Variants in PKMYT1 observed in about 807,000 individuals in gnomAD.
PKMYT1 encodes membrane-associated tyrosine- and threonine-specific cdc2-inhibitory kinase.
A neutral mutation model predicts 49.7 loss-of-function variants in PKMYT1; 35 were observed. The ratio of observed to expected loss-of-function variants is 0.70; its 90% confidence interval spans 0.54 to 0.93. The LOEUF is 0.93. Among genes scored for constraint, PKMYT1 ranks in the 40% least tolerant of loss-of-function variants. The pLI is 0.00. For synonymous variants in PKMYT1, 331 were observed against 287.6 expected, an observed-to-expected ratio of 1.15 and a Z score of -1.53; for missense variants, 677 against 673.1, an observed-to-expected ratio of 1.01 and a Z score of -0.06.
chr16:2,976,935 T>G lies in PKMYT1; in HGVS notation c.107A>C (p.Glu36Ala), dbSNP rs1481934915. Residue 36 changes from glutamate (E) to alanine (A), a missense_variant, in exon 3 of 9, where the codon GAA becomes GCA. Coordinates refer to ENST00000262300, the MANE Select transcript of PKMYT1 (RefSeq NM_004203.5). ...IPVPAYFRHA[E>A]PGFSLKRPRG... ...GGGCCTCTTGAGGGAGAATCCAGGTTCTGCGTGGCGGAAGTAGGCTGGGAC... is the reference window on the plus strand; with the variant it reads ...GGGCCTCTTGAGGGAGAATCCAGGTGCTGCGTGGCGGAAGTAGGCTGGGAC... 3 of 1,549,628 alleles carry G rather than the reference T, an allele frequency of 1.9e-6. No individual in the cohort carries two copies. In the East Asian group the frequency reaches 7.3e-5, roughly 37 times the overall value.
chr16:2,979,456 G>A lies in PKMYT1; in HGVS notation c.10+192C>T, dbSNP rs906574512. 9.9e-6 allele frequency: 6 copies of A among 606,782 alleles called. No homozygotes were observed. The African/African-American group carries it at 1.1e-4, about 11-fold the overall frequency. The allele number at this position is 606,782 out of a possible 1,614,324, so 37.6% of individuals were successfully genotyped here. A position where few individuals can be genotyped will look rare whatever the true frequency, so the allele number is the denominator to read the frequency against. The stretch of plus-strand genomic sequence containing the variant: ...GCTGGCAGGCTGCCCTCCATCTTGT[G>A]GAGACTCTTCCTCTGACTCTAACTA... On this transcript the variant is annotated intron_variant, in intron 2 of 8. Transcript: ENST00000262300.
rs767883334 is a variant in PKMYT1 at position 2,974,293 on chromosome 16, C to T, written c.1104G>A (p.Leu368=). 4.4e-6 allele frequency: 7 copies of T among 1,586,368 alleles called. No homozygotes were observed. In the Admixed American group the frequency reaches 8.9e-5, roughly 20 times the overall value. Residue 368 remains leucine (L), a synonymous_variant, in exon 6 of 9, where the codon CTG becomes CTA. Transcript: ENST00000262300. ...TCAGGGCCTCCGCTGCCATGCACCA[C>T]AGCACACCCCAGGCCCGCGGCTGCC... ...VLRQPRAWGV[L]WCMAAEALSR...
At chr16:2,975,265 C>T (rs1596450654) in intron 4 of PKMYT1, 54 bp downstream of exon 4, 1 of 1,517,310 alleles carries the variant, frequency 6.6e-7, no homozygotes, top group East Asian at 2.4e-5. Flanking sequence ...GAGCTTCCGT[C>T]CCAGGAAGGG....
chr16:2,975,429 C>A lies in PKMYT1; in HGVS notation c.762G>T (p.Leu254=). The A allele has an allele frequency of 6.2e-7, 1 of 1,613,280 alleles. No individual in the cohort carries two copies. The highest frequency in any genetic ancestry group is 8.5e-7 in the Non-Finnish European group (1 of 1,179,990). The stretch of plus-strand genomic sequence containing the variant: ...CTCCTGCTGTACCCAGCTCCACCAG[C>A]AGTCCGAAGTCACCCAGCTTGCAGC... ...RGRCKLGDFG[L]LVELGTAGAG... The change falls in exon 4 of 9, where the codon CTG becomes CTT. Residue 254 remains leucine (L), a synonymous_variant. Transcript: ENST00000262300.
At position 2,975,419 on chromosome 16, in the gene PKMYT1, G is replaced by C; in HGVS notation, c.772C>G (p.Leu258Val). Reference sequence around the variant, plus strand: ...ACCTCACCAGCTCCTGCTGTACCCAGCTCCACCAGCAGTCCGAAGTCACCC... The same window carrying C: ...ACCTCACCAGCTCCTGCTGTACCCACCTCCACCAGCAGTCCGAAGTCACCC... The part of the protein sequence containing the change: ...KLGDFGLLVE[L>V]GTAGAGEVQE... Residue 258 changes from leucine (L) to valine (V), a missense_variant, in exon 4 of 9, where the codon CTG (leucine) becomes GTG (valine). Physicochemically the swap from Leu to Val is conservative, Grantham distance 32. Transcript: ENST00000262300. The C allele has an allele frequency of 6.2e-7, 1 of 1,613,260 alleles. No individual in the cohort carries two copies. Among genetic ancestry groups the C allele is most frequent in the Non-Finnish European group, 8.5e-7 (1 of 1,179,988 alleles).
intron 7 of PKMYT1, chr16:2,973,625 A>C: frequency 2.2e-6 from 1 of 455,334 alleles, no homozygotes; most frequent in Non-Finnish European, 3.9e-6. Flanking sequence ...CTCACTCAAG[A>C]CACCAGGCCC....
chr16:2,973,908 G>A (rs558110865), intron 7 of PKMYT1, 92 bp downstream of exon 7: 5 of 1,369,778 alleles, frequency 3.7e-6, no homozygotes, highest in Non-Finnish European at 5.1e-6. Flanking sequence ...CAGGTTTGTG[G>A]GAGTGGTCCC....
In PKMYT1 at chr16:2,979,740, G is replaced by C; in HGVS notation, c.-83C>G. 7 of 1,591,144 alleles carry C rather than the reference G, an allele frequency of 4.4e-6. No homozygotes were observed. Among genetic ancestry groups the C allele is most frequent in the Non-Finnish European group, 6.0e-6 (7 of 1,163,014 alleles). On this transcript the variant is annotated 5_prime_UTR_variant, in exon 2 of 9. Transcript: ENST00000262300. ...CCACGTGAATCCAGGGTGTCCCTGAGCTAAGGCCAGGCGGGGGTGACCTCC... is the reference window on the plus strand; with the variant it reads ...CCACGTGAATCCAGGGTGTCCCTGACCTAAGGCCAGGCGGGGGTGACCTCC...
At chr16:2,976,097 G>T in intron 3 of PKMYT1, 1 of 420,626 alleles carries the variant, frequency 2.4e-6, no homozygotes, top group Non-Finnish European at 4.2e-6. Context: ...CAGCTGCAGA[G>T]CAACACAGGC....
chr16:2,978,429 G>C (rs2072256218), intron 2 of PKMYT1, among the ~76,000 whole-genome samples: 1 of 152,080 alleles, frequency 6.6e-6, no homozygotes, highest in South Asian at 2.1e-4. Context: ...GACCTCAAAA[G>C]CCACCCTGTC....
rs2072167763 is a variant in PKMYT1 at position 2,975,602 on chromosome 16, G to T, written c.589C>A (p.His197Asn). The part of the protein sequence containing the change: ...TELCGPSLQQ[H>N]CEAWGASLPE... Reference sequence around the variant, plus strand: ...AGGCTGGCACCCCAGGCCTCACAGTGTTGCTGCAGGCTGGGCCCGCACAGC... The same window carrying T: ...AGGCTGGCACCCCAGGCCTCACAGTTTTGCTGCAGGCTGGGCCCGCACAGC... Residue 197 changes from histidine (H) to asparagine (N), a missense_variant, in exon 4 of 9, where the codon CAC becomes AAC. Coordinates refer to ENST00000262300, the MANE Select transcript of PKMYT1 (RefSeq NM_004203.5). 6.2e-7 allele frequency: 1 copy of T among 1,611,418 alleles called. No individual in the cohort carries two copies. Among genetic ancestry groups the T allele is most frequent in the African/African-American group, 1.3e-5 (1 of 74,936 alleles).
chr16:2,979,614 C>T, intron 2 of PKMYT1, 34 bp downstream of exon 2: 1 of 1,575,342 alleles, frequency 6.3e-7, no homozygotes, highest in Non-Finnish European at 8.7e-7. Context: ...GCATCTTAAC[C>T]CAGTTCTCCC....
chr16:2,973,497 C>T (rs2072074872), intron 7 of PKMYT1: 1 of 1,426,574 alleles, frequency 7.0e-7, no homozygotes, highest in Non-Finnish European at 9.3e-7. Context: ...CTTTCTGGAA[C>T]TTCTTGTCTG....
At chr16:2,978,081 G>A (rs2072246952) in intron 2 of PKMYT1, among the ~76,000 whole-genome samples, 1 of 152,178 alleles carries the variant, frequency 6.6e-6, no homozygotes, top group Admixed American at 6.5e-5. Context: ...TGCTCCTAAA[G>A]CAATAGCAGC....
At position 2,975,645 on chromosome 16, in the gene PKMYT1, G is replaced by C. The variant is rs1473883849; in HGVS notation, c.546C>G (p.Ile182Met). ...CGCACAGCTCCGTCTGCAGGTACAGGATGCCGCCCTCCTCCCAGGCCTGCT... is the reference window on the plus strand; with the variant it reads ...CGCACAGCTCCGTCTGCAGGTACAGCATGCCGCCCTCCTCCCAGGCCTGCT... ...RLEQAWEEGG[I>M]LYLQTELCGP... The change falls in exon 4 of 9, where the codon ATC (isoleucine) becomes ATG (methionine). Residue 182 changes from isoleucine (I) to methionine (M), a missense_variant. Ile to Met is a conservative substitution (Grantham distance 10, BLOSUM62 1). Coordinates refer to ENST00000262300, the MANE Select transcript of PKMYT1 (RefSeq NM_004203.5). 1 of 1,611,506 alleles carries C rather than the reference G, an allele frequency of 6.2e-7. No homozygotes were observed. The highest frequency in any genetic ancestry group is 2.2e-5 in the East Asian group (1 of 44,870).
At chr16:2,973,947 G>T in intron 7 of PKMYT1, 53 bp downstream of exon 7, 1 of 1,564,788 alleles carries the variant, frequency 6.4e-7, no homozygotes, top group Non-Finnish European at 8.7e-7. Context: ...ATGGAGCCCC[G>T]GTGATATCCC....
Position 2,974,647 on chromosome 16 carries a change from G to A in PKMYT1, c.882C>T (p.Leu294=), listed in dbSNP as rs778026033. The change falls in exon 5 of 9, where the codon CTC becomes CTT. Residue 294 remains leucine (L), a synonymous_variant. Transcript: ENST00000262300. ...GTAADVFSLG[L]TILEVACNME... is the part of the protein sequence containing the mutation. ...TGTTGCATGCCACTTCCAGGATGGT[G>A]AGGCCCAGACTGGCAGGGACGGGAT... 7.7e-6 allele frequency: 12 copies of A among 1,562,504 alleles called. No homozygotes were observed. Among genetic ancestry groups the A allele is most frequent in the Non-Finnish European group, 9.5e-6 (11 of 1,153,128 alleles).
intron 2 of PKMYT1, 198 bp from the exon 3 acceptor site, chr16:2,977,229 T>C: frequency 7.1e-7 from 1 of 1,405,744 alleles, no homozygotes; most frequent in South Asian, 1.6e-5. Context: ...CACCAGGCTG[T>C]TGTATTTTAG....
In PKMYT1 at chr16:2,979,924, A is replaced by G. The variant is rs943267098; in HGVS notation, c.-255-12T>C. On this transcript the variant is annotated splice_polypyrimidine_tract_variant and intron_variant, in intron 1 of 8. Coordinates refer to ENST00000262300, the MANE Select transcript of PKMYT1 (RefSeq NM_004203.5). ...GGTGTGGGGAAGCCCTGGCGAACAGAGCAGTGGACGGGCTGTCACGAGGGA... is the reference window on the plus strand; with the variant it reads ...GGTGTGGGGAAGCCCTGGCGAACAGGGCAGTGGACGGGCTGTCACGAGGGA... 1.8e-6 allele frequency: 1 copy of G among 543,800 alleles called. No individual in the cohort carries two copies. The highest frequency in any genetic ancestry group is 1.9e-5 in the African/African-American group (1 of 52,576). 33.7% of individuals were successfully genotyped at this position (543,800 alleles called of 1,614,324 possible). A position where few individuals can be genotyped will look rare whatever the true frequency, so the allele number is the denominator to read the frequency against.
Sources: gnomAD v4.1 joint callset for allele counts (sites outside exome capture counted in the v4.1 genomes callset) on GRCh38, gnomAD v4.1.1 for gene constraint, MANE v1.5 for transcripts, NCBI Gene and HGNC (gene_info 2026-07-23, HGNC 2026-07-21) for gene names.